Variants in ARID5B observed in about 807,000 individuals in gnomAD.
ARID5B encodes the protein AT-rich interactive domain-containing protein 5B.
In ARID5B, 13 loss-of-function variants were observed where a neutral mutation model predicts 97.2. That is an observed-to-expected ratio of 0.13 (90% CI 0.09 to 0.21). The LOEUF (loss-of-function observed/expected upper bound fraction) is 0.21, where lower values mean the gene tolerates loss of function less well. Among genes scored for constraint, ARID5B ranks in the 10% least tolerant of loss-of-function variants. The pLI, the probability that ARID5B is intolerant of heterozygous loss-of-function variation, is 1.00. For synonymous variants in ARID5B, 556 were observed against 570.3 expected (o/e 0.97, Z 0.36); for missense variants, 1,210 against 1,465.3 (o/e 0.83, Z 2.84).
intron 3 of ARID5B, among the ~76,000 whole-genome samples, chr10:61,979,080 C>T (rs184002591): frequency 1.1e-3 from 164 of 152,284 alleles, no homozygotes; most frequent in African/African-American, 3.6e-3. Flanking sequence ...CAGCCAGCCA[C>T]GACACAGAGC....
At chr10:61,947,028 T>C (rs1189367814) in intron 3 of ARID5B, among the ~76,000 whole-genome samples, 1 of 152,206 alleles carries the variant, frequency 6.6e-6, no homozygotes, top group African/African-American at 2.4e-5. Flanking sequence ...TCCAAAGGAT[T>C]TTCTCTCTGA....
At chr10:61,942,503 G>C (rs1026196259) in intron 3 of ARID5B, among the ~76,000 whole-genome samples, 1 of 152,150 alleles carries the variant, frequency 6.6e-6, no homozygotes, top group Non-Finnish European at 1.5e-5. Flanking sequence ...TTGATAAAAA[G>C]GTTCCTGGCC....
chr10:62,000,003 C>A lies in ARID5B; in HGVS notation c.503-88C>A. 1 of 1,328,748 alleles carries A rather than the reference C, an allele frequency of 7.5e-7. No homozygotes were observed. The highest frequency in any genetic ancestry group is 1.1e-6 in the Non-Finnish European group (1 of 938,412). 82.3% of individuals were successfully genotyped at this position (1,328,748 alleles called of 1,614,324 possible). ...GATGAGAGTCTTTTTAGTCCCAAAC[C>A]AGAAGTGATTATTGAAATTATACCA... On this transcript the variant is annotated intron_variant, in intron 3 of 9. Transcript: ENST00000279873. The surrounding 1 kb of genome is among the most constrained non-coding windows in gnomAD (Gnocchi z 4.4).
At chr10:61,979,090 C>G (rs1228546044) in intron 3 of ARID5B, among the ~76,000 whole-genome samples, 1 of 152,172 alleles carries the variant, frequency 6.6e-6, no homozygotes, top group Non-Finnish European at 1.5e-5. Flanking sequence ...CGACACAGAG[C>G]TCATCGGGAG....
chr10:61,940,050 C>A, intron 2 of ARID5B, 133 bp from the exon 3 acceptor site: 2 of 697,516 alleles, frequency 2.9e-6, no homozygotes, highest in South Asian at 3.6e-5. Context: ...TCTGTGTCAC[C>A]AGAATGCACA....
chr10:62,069,851 G>A (rs1840039663), intron 8 of ARID5B, 54 bp downstream of exon 8: 1 of 1,556,612 alleles, frequency 6.4e-7, no homozygotes, highest in African/African-American at 1.4e-5. Flanking sequence ...ATTGAAAGGA[G>A]CTTCTGGTCA....
chr10:62,058,980 G>A (rs1039292427), intron 6 of ARID5B, among the ~76,000 whole-genome samples: 3 of 152,234 alleles, frequency 2.0e-5, no homozygotes, highest in Non-Finnish European at 4.4e-5. Flanking sequence ...ATGACAGTAG[G>A]ACTAAAACTC....
rs202205668 is a variant in ARID5B at position 62,091,274 on chromosome 10, C to T, written c.1811C>T (p.Pro604Leu). 191 of 1,614,188 alleles carry T rather than the reference C, an allele frequency of 1.2e-4. No homozygotes were observed. Among genetic ancestry groups the T allele is most frequent in the Non-Finnish European group, 1.5e-4 (172 of 1,180,030 alleles). Residue 604 changes from proline to leucine, a missense_variant, in exon 10 of 10, where the codon CCG (proline) becomes CTG (leucine). Coordinates refer to ENST00000279873, the MANE Select transcript of ARID5B (RefSeq NM_032199.3). The part of the protein sequence containing the change: ...SFPSFPTTQP[P>L]LANQNETEDD... ...CCCAGCTTCCCCACCACACAGCCAC[C>T]GCTGGCAAACCAGAATGAGACGGAG... is the stretch of plus-strand genomic sequence containing the variant.
At chr10:61,940,526 C>T (rs942513490) in intron 3 of ARID5B, 118 bp downstream of exon 3, 6 of 877,662 alleles carry the variant, frequency 6.8e-6, no homozygotes, top group South Asian at 5.4e-5. Flanking sequence ...TTTCTTTAAC[C>T]TCAAAGGGTC....
chr10:61,940,394 A>T lies in ARID5B; in HGVS notation c.488A>T (p.Glu163Val). The T allele has an allele frequency of 6.2e-7, 1 of 1,613,450 alleles. No individual in the cohort carries two copies. The highest frequency in any genetic ancestry group is 8.5e-7 in the Non-Finnish European group (1 of 1,179,688). Residue 163 changes from glutamate (E) to valine (V), a missense_variant, in exon 3 of 10, where the codon GAG becomes GTG. Physicochemically the swap from Glu to Val is moderately radical, Grantham distance 121 (BLOSUM62 -2). This residue lies in a region of ARID5B where 82 missense variants were observed against 79.3 expected (regional missense o/e 1.03). Coordinates refer to ENST00000279873, the MANE Select transcript of ARID5B (RefSeq NM_032199.3). ...CTCAACTTCAAAGACGTTCTCAAGG[A>T]GAAGGCAGACCTGGGTAAATATGAC... ...SGLNFKDVLK[E>V]KADLGEDEEE... is the part of the protein sequence containing the mutation.
chr10:61,917,988 G>T (rs947523982), intron 2 of ARID5B, among the ~76,000 whole-genome samples: 1 of 152,102 alleles, frequency 6.6e-6, no homozygotes, highest in South Asian at 2.1e-4. Flanking sequence ...GATGGATGAG[G>T]GTAAGAGATG....
chr10:61,961,577 C>G (rs1218750295), intron 3 of ARID5B, among the ~76,000 whole-genome samples: 4 of 152,254 alleles, frequency 2.6e-5, no homozygotes, highest in South Asian at 2.1e-4. Flanking sequence ...GCCCTTTTCG[C>G]GTGTCAGTTA....
intron 3 of ARID5B, among the ~76,000 whole-genome samples, chr10:61,993,001 G>A (rs1201651182): frequency 2.6e-5 from 4 of 151,784 alleles, no homozygotes; most frequent in East Asian, 3.9e-4. Flanking sequence ...TTTCTATTCC[G>A]GATGGAATCT....
chr10:61,997,054 G>T (rs777623404), intron 3 of ARID5B, among the ~76,000 whole-genome samples: 2 of 152,062 alleles, frequency 1.3e-5, no homozygotes, highest in Non-Finnish European at 2.9e-5. Context: ...CCTTAGAGAT[G>T]CTGAGTCACT....
chr10:61,983,787 C>T (rs932879096), intron 3 of ARID5B, among the ~76,000 whole-genome samples: 5 of 151,006 alleles, frequency 3.3e-5, no homozygotes, highest in Non-Finnish European at 7.4e-5. Flanking sequence ...AAATGGTAGA[C>T]TATGTACTTG....
chr10:61,932,655 A>G (rs553715357), intron 2 of ARID5B, among the ~76,000 whole-genome samples: 3 of 152,154 alleles, frequency 2.0e-5, no homozygotes, highest in Non-Finnish European at 2.9e-5. Context: ...AATGCCATGC[A>G]TTGGTTGACA....
intron 4 of ARID5B, among the ~76,000 whole-genome samples, chr10:62,018,948 A>G (rs1839318969): frequency 6.6e-6 from 1 of 152,122 alleles, no homozygotes; most frequent in South Asian, 2.1e-4. Context: ...TCTAATGTGT[A>G]TTCTTGAAAG....
chr10:61,903,425 C>T (rs942602289), intron 2 of ARID5B, among the ~76,000 whole-genome samples: 12 of 152,190 alleles, frequency 7.9e-5, no homozygotes, highest in Admixed American at 2.6e-4. Flanking sequence ...CGCAGTTCTG[C>T]GGGCTCCCCT....
chr10:62,048,470 G>A (rs1266730481), intron 4 of ARID5B, among the ~76,000 whole-genome samples: 1 of 152,216 alleles, frequency 6.6e-6, no homozygotes, highest in Non-Finnish European at 1.5e-5. Flanking sequence ...GGTAGGATTT[G>A]CCTAACCATA....
Sources: gnomAD v4.1 joint callset for allele counts (sites outside exome capture counted in the v4.1 genomes callset) on GRCh38, gnomAD v4.1.1 for gene constraint, gnomAD v4.1.1 regional missense constraint, Gnocchi (gnomAD v3.1) non-coding constraint, MANE v1.5 for transcripts, NCBI Gene and HGNC (gene_info 2026-07-23, HGNC 2026-07-21) for gene names.